Variants in CA8 observed in about 807,000 individuals in gnomAD.
CA8 encodes carbonic anhydrase 8 (inactive).
In CA8, 22 loss-of-function variants were observed where a neutral mutation model predicts 41.4. The observed-to-expected ratio is 0.53, with a 90% CI of 0.38 to 0.76. The LOEUF (loss-of-function observed/expected upper bound fraction) is 0.76, where lower values mean the gene tolerates loss of function less well. Ranked by LOEUF, CA8 falls within the 30% of genes least tolerant of loss-of-function variation. CA8 has a pLI of 0.00. For missense variants in CA8, 270 were observed against 352.8 expected (o/e 0.77, Z 1.88); for synonymous variants, 121 against 130.6 (o/e 0.93, Z 0.50).
At chr8:60,260,743 A>G (rs981500947) in intron 3 of CA8, among the ~76,000 whole-genome samples, 2 of 152,184 alleles carry the variant, frequency 1.3e-5, no homozygotes, top group East Asian at 1.9e-4. Context: ...CTTTAGTGAT[A>G]TATCTTGTAT....
intron 5 of CA8, among the ~76,000 whole-genome samples, chr8:60,226,563 G>A (rs1274147837): frequency 1.3e-5 from 2 of 152,136 alleles, no homozygotes; most frequent in African/African-American, 4.8e-5. Flanking sequence ...GCTAGAGTGA[G>A]CTTCCGTAGT....
intron 3 of CA8, among the ~76,000 whole-genome samples, chr8:60,256,250 G>C (rs970257026): frequency 4.6e-5 from 7 of 152,128 alleles, no homozygotes; most frequent in Admixed American, 3.9e-4. Flanking sequence ...AGTTGTATAA[G>C]GGTAGGTAGA....
At chr8:60,245,287 A>C (rs74842940) in intron 3 of CA8, among the ~76,000 whole-genome samples, 37,162 of 151,916 alleles carry the variant, frequency 0.24, 5,501 homozygotes, top group East Asian at 0.39. Context: ...AAAAAAAAAA[A>C]TTATCTTAAG....
chr8:60,224,511 T>C, intron 6 of CA8, 26 bp downstream of exon 6: 2 of 1,383,576 alleles, frequency 1.4e-6, no homozygotes, highest in Non-Finnish European at 2.1e-6. Context: ...TTAAAATTCA[T>C]TTTATGCAAT....
chr8:60,265,683 T>C (rs140931055), intron 3 of CA8: 295 of 501,016 alleles, frequency 5.9e-4, no homozygotes, highest in African/African-American at 5.4e-3. Flanking sequence ...TAGGGTGAAA[T>C]TTAATACTGT....
At chr8:60,196,598 A>G (rs772396994) in intron 8 of CA8, among the ~76,000 whole-genome samples, 2 of 152,210 alleles carry the variant, frequency 1.3e-5, no homozygotes, top group Non-Finnish European at 2.9e-5. Context: ...TGATATAAAG[A>G]TTCAATATTG....
chr8:60,218,374 T>C (rs1262470058), intron 7 of CA8, among the ~76,000 whole-genome samples: 1 of 151,756 alleles, frequency 6.6e-6, no homozygotes. Flanking sequence ...TCTTTGAGAG[T>C]GTCTTTTTTA....
chr8:60,274,612 G>A (rs536595726), intron 2 of CA8, among the ~76,000 whole-genome samples: 1 of 152,046 alleles, frequency 6.6e-6, no homozygotes, highest in Non-Finnish European at 1.5e-5. Context: ...AATGGGATGA[G>A]GCTCTTATAA....
Position 60,194,384 on chromosome 8 carries a change from C to G in CA8, c.*36-4399G>C, listed in dbSNP as rs532113874. On this transcript the variant is annotated intron_variant, in intron 8 of 8. Coordinates refer to ENST00000317995, the MANE Select transcript of CA8 (RefSeq NM_004056.6). The stretch of plus-strand genomic sequence containing the variant: ...ATCACCACTGGATAAGCCCGTTGGT[C>G]CACTTCTGCAGAGAAGTCACCTGGG... Among the ~76,000 whole-genome samples, 7 of 152,270 alleles carry G rather than the reference C, an allele frequency of 4.6e-5. No homozygotes were observed. The East Asian group carries it at 1.4e-3, about 29-fold the overall frequency.
intron 7 of CA8, among the ~76,000 whole-genome samples, chr8:60,211,970 T>C (rs7461548): frequency 2.0e-4 from 31 of 152,354 alleles, no homozygotes; most frequent in African/African-American, 7.0e-4. Flanking sequence ...AGACCATTAT[T>C]ATCACATATA....
chr8:60,247,932 T>G (rs1464152437), intron 3 of CA8, among the ~76,000 whole-genome samples: 1 of 152,248 alleles, frequency 6.6e-6, no homozygotes, highest in Non-Finnish European at 1.5e-5. Flanking sequence ...TCTTGACTTT[T>G]TAATAATTGT....
chr8:60,280,837 G>A (rs113572519), intron 1 of CA8, among the ~76,000 whole-genome samples: 3 of 152,334 alleles, frequency 2.0e-5, no homozygotes, highest in African/African-American at 7.2e-5. Context: ...GAGCGCAGGC[G>A]GCGGAAGAGC....
At chr8:60,252,528 A>G (rs1411995772) in intron 3 of CA8, among the ~76,000 whole-genome samples, 1 of 152,210 alleles carries the variant, frequency 6.6e-6, no homozygotes, top group Non-Finnish European at 1.5e-5. Context: ...GGGGAGGGAG[A>G]TCAGCACTGT....
At chr8:60,234,794 A>T (rs1807775409) in intron 3 of CA8, among the ~76,000 whole-genome samples, 3 of 152,124 alleles carry the variant, frequency 2.0e-5, no homozygotes. Flanking sequence ...TCACAATAAC[A>T]AGGGACCCAA....
At chr8:60,190,432 A>AATATATATATATATATAT (rs57878452) in intron 8 of CA8, among the ~76,000 whole-genome samples, 3 of 99,342 alleles carry the variant, frequency 3.0e-5, no homozygotes, top group Non-Finnish European at 4.0e-5. Flanking sequence ...ATAAATGCAG[A>AATATATATATATATATAT]ATATATATAT....
rs573075504 is a variant in CA8 at position 60,222,182 on chromosome 8, A to C, written c.738+467T>G. ...AGCCCAAGGCCGGGGGTGGGCGACCAAAAGTAGAGCTAGAAAACAATCCAG... is the reference window on the plus strand; with the variant it reads ...AGCCCAAGGCCGGGGGTGGGCGACCCAAAGTAGAGCTAGAAAACAATCCAG... On this transcript the variant is annotated intron_variant, in intron 7 of 8. Coordinates refer to ENST00000317995, the MANE Select transcript of CA8 (RefSeq NM_004056.6). 2.4e-3 allele frequency among the ~76,000 whole-genome samples: 371 copies of C among 152,318 alleles called. 1 individual carries two copies. Among genetic ancestry groups the C allele is most frequent in the Non-Finnish European group, 3.6e-3 (247 of 68,022 alleles).
intron 7 of CA8, among the ~76,000 whole-genome samples, chr8:60,217,147 G>C (rs1171690300): frequency 6.6e-6 from 1 of 152,104 alleles, no homozygotes; most frequent in African/African-American, 2.4e-5. Flanking sequence ...GCCTCCTGAA[G>C]TGCTTGGATT....
intron 8 of CA8, among the ~76,000 whole-genome samples, chr8:60,190,898 A>G (rs1203855674): frequency 6.9e-6 from 1 of 144,540 alleles, no homozygotes; most frequent in Non-Finnish European, 1.5e-5. Flanking sequence ...ATGCATATAT[A>G]GTATATATGT....
chr8:60,190,091 T>A (rs959012918), intron 8 of CA8, 106 bp from the exon 9 acceptor site: 2 of 151,806 alleles, frequency 1.3e-5, no homozygotes, highest in Non-Finnish European at 2.9e-5. Context: ...AAACTAAAAA[T>A]TTCATAAGAA....
Sources: gnomAD v4.1 joint callset for allele counts (sites outside exome capture counted in the v4.1 genomes callset) on GRCh38, gnomAD v4.1.1 for gene constraint, MANE v1.5 for transcripts, NCBI Gene and HGNC (gene_info 2026-07-23, HGNC 2026-07-21) for gene names.